Variants in METTL15 observed in about 807,000 individuals in gnomAD.
The protein encoded by METTL15 is 12S rRNA N(4)-cytidine methyltransferase METTL15.
In METTL15, 34 loss-of-function variants were observed where a neutral mutation model predicts 38.3. That is an observed-to-expected ratio of 0.89 (90% CI 0.68 to 1.18). The LOEUF (loss-of-function observed/expected upper bound fraction) is 1.18, where lower values mean the gene tolerates loss of function less well. Ranked by LOEUF, METTL15 falls within the 50% of genes most tolerant of loss-of-function variation. METTL15 has a pLI of 0.00. For synonymous variants in METTL15, 162 were observed against 170.9 expected (o/e 0.95, Z 0.41); for missense variants, 438 against 498.4 (o/e 0.88, Z 1.15).
chr11:28,455,220 T>A (rs79317997), intron 6 of METTL15, among the ~76,000 whole-genome samples: 1 of 60,870 alleles, frequency 1.6e-5, no homozygotes, highest in South Asian at 5.0e-4. Context: ...AGCTAGCTTT[T>A]TTTTTTTTTT....
chr11:28,285,891 A>T (rs2133980583), intron 4 of METTL15, among the ~76,000 whole-genome samples: 1 of 152,214 alleles, frequency 6.6e-6, no homozygotes, highest in Admixed American at 6.5e-5. Context: ...CACTGGCCAG[A>T]GTTGTGACTT....
chr11:28,196,660 C>A (rs1402934643), intron 3 of METTL15, among the ~76,000 whole-genome samples: 4 of 151,674 alleles, frequency 2.6e-5, no homozygotes, highest in Non-Finnish European at 5.9e-5. Flanking sequence ...GTTTGATTCC[C>A]TCTTAAGAAA....
intron 4 of METTL15, among the ~76,000 whole-genome samples, chr11:28,234,391 A>C (rs370969237): frequency 1.2e-3 from 180 of 151,456 alleles, no homozygotes; most frequent in Non-Finnish European, 2.1e-3. Context: ...CTGACTTCCA[A>C]AATGGTTGAA....
intron 5 of METTL15, among the ~76,000 whole-genome samples, chr11:28,376,400 A>G (rs1850312287): frequency 6.6e-6 from 1 of 151,730 alleles, no homozygotes; most frequent in Admixed American, 6.6e-5. Flanking sequence ...TGTTGAATTG[A>G]TCCCTTTACC....
intron 6 of METTL15, among the ~76,000 whole-genome samples, chr11:28,470,105 A>G (rs1315064207): frequency 6.6e-6 from 1 of 152,196 alleles, no homozygotes; most frequent in Admixed American, 6.6e-5. Flanking sequence ...AATTAGTGGT[A>G]GCAGGCCATT....
intron 6 of METTL15, among the ~76,000 whole-genome samples, chr11:28,429,503 G>T (rs1462098811): frequency 7.7e-6 from 1 of 129,522 alleles, no homozygotes. Flanking sequence ...GAGTGCCTGC[G>T]ATTGCAGGCA....
At chr11:28,151,041 G>T (rs1034672647) in intron 3 of METTL15, among the ~76,000 whole-genome samples, 2 of 150,844 alleles carry the variant, frequency 1.3e-5, no homozygotes, top group Non-Finnish European at 1.5e-5. Flanking sequence ...GGAAAAAAAG[G>T]TAATAAGGAA....
At chr11:28,246,796 G>A (rs1201728497) in intron 4 of METTL15, among the ~76,000 whole-genome samples, 1 of 152,098 alleles carries the variant, frequency 6.6e-6, no homozygotes, top group East Asian at 1.9e-4. Flanking sequence ...TACCATATTT[G>A]AGAACTGCAC....
intron 3 of METTL15, among the ~76,000 whole-genome samples, chr11:28,205,987 A>G (rs1365262817): frequency 2.9e-5 from 4 of 140,254 alleles, no homozygotes; most frequent in Non-Finnish European, 3.1e-5. Context: ...GTTTGAGTTC[A>G]TTGTAGATTC....
intron 6 of METTL15, among the ~76,000 whole-genome samples, chr11:28,512,817 G>A (rs1030882430): frequency 2.0e-5 from 3 of 152,214 alleles, no homozygotes; most frequent in Non-Finnish European, 1.5e-5. Context: ...TTCAAGTGCT[G>A]CCAAAGTGGG....
intron 4 of METTL15, among the ~76,000 whole-genome samples, chr11:28,354,408 T>C (rs1460677876): frequency 1.3e-5 from 2 of 152,212 alleles, no homozygotes; most frequent in African/African-American, 4.8e-5. Flanking sequence ...TGCTAATCTA[T>C]AGAATTCTTG....
intron 6 of METTL15, among the ~76,000 whole-genome samples, chr11:28,436,759 ATC>A (rs1043803487): frequency 1.4e-4 from 22 of 152,170 alleles, no homozygotes; most frequent in African/African-American, 4.1e-4. Flanking sequence ...GAAATCAGAG[ATC>A]TCATTTTATA....
chr11:28,353,846 A>AC (rs1213888173), intron 4 of METTL15, among the ~76,000 whole-genome samples: 1 of 149,192 alleles, frequency 6.7e-6, no homozygotes, highest in African/African-American at 2.5e-5. Flanking sequence ...AATGGCGTGA[A>AC]CCCGGGAAGC....
chr11:28,349,692 T>A (rs1590341482), intron 3 of METTL15, among the ~76,000 whole-genome samples: 1 of 152,214 alleles, frequency 6.6e-6, no homozygotes. Flanking sequence ...CTTAGGCATG[T>A]AATTCAATGA....
chr11:28,131,971 A>T (rs1849353488), intron 3 of METTL15, among the ~76,000 whole-genome samples: 1 of 152,200 alleles, frequency 6.6e-6, no homozygotes, highest in Non-Finnish European at 1.5e-5. Context: ...TGATTAAAAA[A>T]ATGATTATTT....
chr11:28,222,685 A>G (rs751895486), intron 4 of METTL15, among the ~76,000 whole-genome samples: 8 of 152,202 alleles, frequency 5.3e-5, no homozygotes, highest in Non-Finnish European at 7.3e-5. Flanking sequence ...CTATTCGGCC[A>G]TCTTGGAACC....
chr11:28,486,703 T>C (rs998700179), intron 6 of METTL15, among the ~76,000 whole-genome samples: 8 of 152,200 alleles, frequency 5.3e-5, no homozygotes, highest in Non-Finnish European at 1.2e-4. Context: ...GAAAGGACTT[T>C]TACCTCCTCA....
chr11:28,123,261 C>T (rs1048689088), intron 3 of METTL15, among the ~76,000 whole-genome samples: 2 of 152,110 alleles, frequency 1.3e-5, no homozygotes, highest in Non-Finnish European at 2.9e-5. Flanking sequence ...ATAGTTACTG[C>T]AAGAGTCTAG....
intron 6 of METTL15, among the ~76,000 whole-genome samples, chr11:28,310,014 A>G (rs1455893202): frequency 3.3e-5 from 5 of 151,994 alleles, no homozygotes; most frequent in Non-Finnish European, 7.4e-5. Flanking sequence ...TTTCTACCCA[A>G]CCCATATCTT....
Sources: gnomAD v4.1 joint callset for allele counts (sites outside exome capture counted in the v4.1 genomes callset) on GRCh38, gnomAD v4.1.1 for gene constraint, MANE v1.5 for transcripts, NCBI Gene and HGNC (gene_info 2026-07-23, HGNC 2026-07-21) for gene names.